Variants in SDCCAG8 observed in about 807,000 individuals in gnomAD.
SDCCAG8 encodes SHH signaling and ciliogenesis regulator SDCCAG8.
In SDCCAG8, 74 loss-of-function variants were observed where a neutral mutation model predicts 101.8. The ratio of observed to expected loss-of-function variants is 0.73; its 90% CI spans 0.60 to 0.88. The LOEUF is 0.88. SDCCAG8 is among the 40% of genes least tolerant of loss of function. SDCCAG8 has a pLI of 0.00. For synonymous variants in SDCCAG8, 281 were observed against 292.9 expected (o/e 0.96, Z 0.41); for missense variants, 787 against 822.6 (o/e 0.96, Z 0.53).
intron 13 of SDCCAG8, among the ~76,000 whole-genome samples, chr1:243,399,966 CAGAGG>C (rs1282961961): frequency 2.0e-5 from 3 of 152,204 alleles, no homozygotes; most frequent in African/African-American, 4.8e-5. Context: ...CTGAGGTATT[CAGAGG>C]TTAGTACCTT....
intron 1 of SDCCAG8, among the ~76,000 whole-genome samples, chr1:243,259,136 C>T (rs1288607328): frequency 6.6e-6 from 1 of 151,944 alleles, no homozygotes; most frequent in East Asian, 1.9e-4. Flanking sequence ...CGTGGTGGCT[C>T]ACGCCTGTAA....
chr1:243,308,164 G>T lies in SDCCAG8; in HGVS notation c.916G>T (p.Glu306Ter). 1.9e-6 allele frequency: 3 copies of T among 1,614,130 alleles called. No homozygotes were observed. Among genetic ancestry groups the T allele is most frequent in the Non-Finnish European group, 2.5e-6 (3 of 1,180,022 alleles). The change falls in exon 8 of 18, where the codon GAA (glutamate) becomes TAA (stop). Residue 306 changes from glutamate (E) to a stop codon, truncating the protein, a stop_gained. Coordinates refer to ENST00000366541, the MANE Select transcript of SDCCAG8 (RefSeq NM_006642.5). LOFTEE classifies it high-confidence loss of function. ...THTNVHMQTI[E>*]RLVKERDDLM... ...TACTAATGTTCATATGCAGACCATC[G>T]AAAGACTGGTTAAGTAAGTATGCTT... is the stretch of plus-strand genomic sequence containing the variant.
At chr1:243,280,559 AT>A (rs1388644961) in intron 4 of SDCCAG8, among the ~76,000 whole-genome samples, 1 of 152,032 alleles carries the variant, frequency 6.6e-6, no homozygotes, top group East Asian at 1.9e-4. Context: ...TTCTTTTCTA[AT>A]TTTTTTACAC....
intron 16 of SDCCAG8, among the ~76,000 whole-genome samples, chr1:243,429,533 AT>A (rs2081571117): frequency 6.6e-6 from 1 of 151,986 alleles, no homozygotes; most frequent in Non-Finnish European, 1.5e-5. Flanking sequence ...GTACAAGTAC[AT>A]TTAATAAGGG....
chr1:243,259,601 C>T (rs2067038519), intron 1 of SDCCAG8, among the ~76,000 whole-genome samples: 1 of 152,054 alleles, frequency 6.6e-6, no homozygotes, highest in South Asian at 2.1e-4. Flanking sequence ...GGGCAGATCA[C>T]CTGACGTCTG....
intron 13 of SDCCAG8, among the ~76,000 whole-genome samples, chr1:243,412,561 A>AT (rs1003748481): frequency 2.0e-5 from 3 of 151,492 alleles, no homozygotes; most frequent in African/African-American, 4.8e-5. Context: ...ACATTATGAG[A>AT]TTTTTTTTGT....
intron 12 of SDCCAG8, among the ~76,000 whole-genome samples, chr1:243,358,406 G>A (rs1427940241): frequency 7.9e-5 from 12 of 152,038 alleles, no homozygotes; most frequent in Non-Finnish European, 5.9e-5. Flanking sequence ...AAACCAAGAT[G>A]AGAAACCATT....
At chr1:243,379,324 G>A (rs961452240) in intron 13 of SDCCAG8, among the ~76,000 whole-genome samples, 1 of 152,182 alleles carries the variant, frequency 6.6e-6, no homozygotes, top group African/African-American at 2.4e-5. Context: ...TCCTAAGGAG[G>A]TGTAAAATTT....
intron 6 of SDCCAG8, among the ~76,000 whole-genome samples, chr1:243,300,106 G>A (rs1006304381): frequency 4.0e-5 from 6 of 151,738 alleles, no homozygotes; most frequent in East Asian, 1.9e-4. Context: ...CTCGTGATCC[G>A]CCCGCCTTGG....
chr1:243,393,474 C>T (rs556953936), intron 13 of SDCCAG8, among the ~76,000 whole-genome samples: 1 of 143,984 alleles, frequency 6.9e-6, no homozygotes, highest in Admixed American at 7.3e-5. Flanking sequence ...AATGTCTTTC[C>T]CATCTACAGA....
chr1:243,365,927 T>A (rs983706296), intron 12 of SDCCAG8, among the ~76,000 whole-genome samples: 4 of 152,102 alleles, frequency 2.6e-5, no homozygotes, highest in Admixed American at 2.0e-4. Flanking sequence ...CATTTTGAAA[T>A]GACCTTTAGG....
chr1:243,339,190 G>T lies in SDCCAG8; in HGVS notation c.1222-1849G>T, dbSNP rs149896799. 4.2e-3 allele frequency among the ~76,000 whole-genome samples: 637 copies of T among 152,188 alleles called. 10 individuals carry two copies. The highest frequency in any genetic ancestry group is 0.015 in the African/African-American group (616 of 41,496). On this transcript the variant is annotated intron_variant, in intron 10 of 17. Coordinates refer to ENST00000366541, the MANE Select transcript of SDCCAG8 (RefSeq NM_006642.5). ...GGGAGGAATCCTAAGGAAGGGGAGA[G>T]ATTTGTGACATGCCTTAGAAGAGAA...
Position 243,256,075 on chromosome 1 carries a change from G to T in SDCCAG8, c.-99G>T, listed in dbSNP as rs1334916143. ...TCCCCTGTGACAGCCGCGGCAGGAA[G>T]CAGGCGGGCGCTCCCCGGCCACAGG... On this transcript the variant is annotated 5_prime_UTR_variant, in exon 1 of 18. Transcript: ENST00000366541. 5.4e-6 allele frequency: 6 copies of T among 1,112,300 alleles called. No homozygotes were observed. Among genetic ancestry groups the T allele is most frequent in the East Asian group, 2.3e-5 (1 of 42,628 alleles). 68.9% of individuals were successfully genotyped at this position (1,112,300 alleles called of 1,614,324 possible). A position where few individuals can be genotyped will look rare whatever the true frequency, so the allele number is the denominator to read the frequency against.
At chr1:243,417,327 G>A (rs1461580694) in intron 14 of SDCCAG8, among the ~76,000 whole-genome samples, 3 of 152,148 alleles carry the variant, frequency 2.0e-5, no homozygotes, top group South Asian at 2.1e-4. Context: ...TGTTAAAACC[G>A]CCTTAAGAAC....
chr1:243,355,884 A>G (rs2076353449), intron 12 of SDCCAG8, among the ~76,000 whole-genome samples: 1 of 152,154 alleles, frequency 6.6e-6, no homozygotes, highest in South Asian at 2.1e-4. Flanking sequence ...TGCTGGGACT[A>G]CAGGCCTGGG....
intron 8 of SDCCAG8, among the ~76,000 whole-genome samples, chr1:243,315,148 T>C (rs1193795032): frequency 6.6e-6 from 1 of 152,244 alleles, no homozygotes; most frequent in Admixed American, 6.5e-5. Context: ...GTAAGATGCC[T>C]ATATTGACTT....
intron 8 of SDCCAG8, among the ~76,000 whole-genome samples, chr1:243,316,454 C>G (rs1455511652): frequency 6.6e-6 from 1 of 152,160 alleles, no homozygotes. Context: ...AGCACCTCCC[C>G]CCACTTTTAA....
intron 8 of SDCCAG8, among the ~76,000 whole-genome samples, 194 bp downstream of exon 8, chr1:243,308,371 T>A (rs992864476): frequency 1.3e-5 from 2 of 152,256 alleles, no homozygotes; most frequent in Non-Finnish European, 2.9e-5. Flanking sequence ...TGTCACCATG[T>A]CACTTTGAAC....
intron 16 of SDCCAG8, among the ~76,000 whole-genome samples, chr1:243,450,850 G>A (rs1444314720): frequency 6.6e-6 from 1 of 152,114 alleles, no homozygotes; most frequent in African/African-American, 2.4e-5. Flanking sequence ...GTAGAGACGG[G>A]GTTTCACCAT....
Sources: gnomAD v4.1 joint callset for allele counts (sites outside exome capture counted in the v4.1 genomes callset) on GRCh38, gnomAD v4.1.1 for gene constraint, MANE v1.5 for transcripts, NCBI Gene and HGNC (gene_info 2026-07-23, HGNC 2026-07-21) for gene names.